Variants in HERC1 observed in about 807,000 individuals in gnomAD.
HERC1 encodes the protein HECT and RLD domain containing E3 ubiquitin protein ligase family member 1.
Under a neutral mutation model 554.3 loss-of-function variants are expected in HERC1, and 160 were observed. The ratio of observed to expected loss-of-function variants is 0.29; its 90% CI spans 0.25 to 0.33. The LOEUF is 0.33. Ranked by LOEUF, HERC1 falls within the 10% of genes least tolerant of loss-of-function variation. HERC1 has a pLI of 1.00. For missense variants in HERC1, 4,919 were observed against 5,918.5 expected, an observed-to-expected ratio of 0.83 and a Z score of 5.54; for synonymous variants, 2,175 against 2,131.7, an observed-to-expected ratio of 1.02 and a Z score of -0.56.
At chr15:63,738,428 AATTT>A (rs1383327906) in intron 12 of HERC1, among the ~76,000 whole-genome samples, 2 of 152,206 alleles carry the variant, frequency 1.3e-5, no homozygotes, top group African/African-American at 4.8e-5. Flanking sequence ...AACCAATACT[AATTT>A]ATTTGTTTTG....
At position 63,640,289 on chromosome 15, in the gene HERC1, T is replaced by A; in HGVS notation, c.11764A>T (p.Asn3922Tyr). ...AAACATTCTAACCAGGCCCATTCAT[T>A]TGGATTCCAGGATGCAGGGTCAGGG... ...CLPDPASWNP[N>Y]EWAWLECFST... The change falls in exon 61 of 78, where the codon AAT (asparagine) becomes TAT (tyrosine). Residue 3922 changes from asparagine to tyrosine, a missense_variant. By Grantham distance (143) the Asn-to-Tyr change is moderately radical (BLOSUM62 -2). Coordinates refer to ENST00000443617, the MANE Select transcript of HERC1 (RefSeq NM_003922.4). 1 of 1,613,914 alleles carries A rather than the reference T, an allele frequency of 6.2e-7. No individual in the cohort carries two copies. Among genetic ancestry groups the A allele is most frequent in the Non-Finnish European group, 8.5e-7 (1 of 1,179,840 alleles).
At chr15:63,706,163 A>C (rs1002176196) in intron 25 of HERC1, among the ~76,000 whole-genome samples, 11 of 152,120 alleles carry the variant, frequency 7.2e-5, no homozygotes, top group African/African-American at 1.9e-4. Context: ...CACAACCATG[A>C]GTTAACTATA....
At chr15:63,741,750 A>G (rs1377980533) in intron 12 of HERC1, among the ~76,000 whole-genome samples, 1 of 152,244 alleles carries the variant, frequency 6.6e-6, no homozygotes, top group African/African-American at 2.4e-5. Context: ...CTATTCTCTC[A>G]TGAAATAGTT....
intron 34 of HERC1, among the ~76,000 whole-genome samples, chr15:63,683,225 T>A (rs2071573812): frequency 6.6e-6 from 1 of 151,634 alleles, no homozygotes; most frequent in South Asian, 2.1e-4. Context: ...TTCATCCTGA[T>A]CAGGGAAAGC....
chr15:63,649,844 G>A lies in HERC1; in HGVS notation c.10628C>T (p.Ser3543Leu). ...WPEEGPATAW[S>L]GESPELLLVG... Reference sequence around the variant, plus strand: ...CAACAACAATTCTGGAGACTCTCCTGACCAGGCTGTAGCCGGACCCTCTTC... The same window carrying A: ...CAACAACAATTCTGGAGACTCTCCTAACCAGGCTGTAGCCGGACCCTCTTC... The change falls in exon 54 of 78, where the codon TCA (serine) becomes TTA (leucine). Residue 3543 changes from serine (S) to leucine (L), a missense_variant. This residue lies in a region of HERC1 where 1,963 missense variants were observed against 2,228.6 expected (regional missense o/e 0.88). Transcript: ENST00000443617. 1 of 1,613,232 alleles carries A rather than the reference G, an allele frequency of 6.2e-7. No individual in the cohort carries two copies. Among genetic ancestry groups the A allele is most frequent in the Non-Finnish European group, 8.5e-7 (1 of 1,179,592 alleles).
rs750583465 is a variant in HERC1, at chr15:63,723,238, G to C, written c.3686C>G (p.Ser1229Cys). 1 of 1,598,986 alleles carries C rather than the reference G, an allele frequency of 6.3e-7. No homozygotes were observed. The change falls in exon 19 of 78, where the codon TCT becomes TGT. Residue 1229 changes from serine to cysteine, a missense_variant. This residue lies in a region of HERC1 where 1,121 missense variants were observed against 1,244.0 expected (regional missense o/e 0.90). Transcript: ENST00000443617. Reference sequence around the variant, plus strand: ...CCAAAGGCTTCGGGCAGGCTCTTTAGAACAACCCAATGCCAAGTCTACATA... The same window carrying C: ...CCAAAGGCTTCGGGCAGGCTCTTTACAACAACCCAATGCCAAGTCTACATA... ...AVYVDLALGC[S>C]KEPARSLWIS...
At chr15:63,755,901 C>T (rs1253367496) in intron 5 of HERC1, among the ~76,000 whole-genome samples, 2 of 152,146 alleles carry the variant, frequency 1.3e-5, no homozygotes, top group African/African-American at 4.8e-5. Flanking sequence ...TACTTAGGTA[C>T]TCTAAATGCC....
At chr15:63,621,042 T>C (rs1384294337) in intron 74 of HERC1, among the ~76,000 whole-genome samples, 7 of 152,258 alleles carry the variant, frequency 4.6e-5, no homozygotes, top group Admixed American at 1.3e-4. Flanking sequence ...CATTATGATA[T>C]TAGCTGGTTA....
At chr15:63,618,360 A>G (rs1171010352) in intron 74 of HERC1, among the ~76,000 whole-genome samples, 7 of 152,148 alleles carry the variant, frequency 4.6e-5, no homozygotes, top group South Asian at 4.2e-4. Context: ...CCATTGGTCT[A>G]TATCTCTGTT....
chr15:63,711,391 CAG>C (rs1348026357), intron 24 of HERC1, among the ~76,000 whole-genome samples: 1 of 151,958 alleles, frequency 6.6e-6, no homozygotes, highest in Non-Finnish European at 1.5e-5. Context: ...AATTAACTGA[CAG>C]AGAAATAAAT....
chr15:63,832,960 A>C (rs1407894205), intron 1 of HERC1, among the ~76,000 whole-genome samples: 1 of 152,200 alleles, frequency 6.6e-6, no homozygotes, highest in Non-Finnish European at 1.5e-5. Flanking sequence ...CTATATTCTA[A>C]GTATTATAGA....
At chr15:63,728,019 A>G (rs1018941469) in intron 16 of HERC1, among the ~76,000 whole-genome samples, 181 bp from the exon 17 acceptor site, 1 of 152,240 alleles carries the variant, frequency 6.6e-6, no homozygotes, top group Non-Finnish European at 1.5e-5. Flanking sequence ...AGTACCACCA[A>G]CAAACACTTT....
At chr15:63,616,048 C>T (rs1046961484) in intron 75 of HERC1, 128 bp from the exon 76 acceptor site, 37 of 761,024 alleles carry the variant, frequency 4.9e-5, no homozygotes, top group Non-Finnish European at 6.7e-5. Flanking sequence ...GAACACAAAA[C>T]AGGTAGGACT....
intron 1 of HERC1, among the ~76,000 whole-genome samples, chr15:63,787,823 G>C (rs2076505354): frequency 1.3e-5 from 2 of 151,750 alleles, no homozygotes; most frequent in Admixed American, 1.3e-4. Context: ...AAATTAACCG[G>C]GCGTGGTGGT....
intron 27 of HERC1, among the ~76,000 whole-genome samples, chr15:63,695,383 C>CATTTTT (rs1567023180): frequency 1.9e-5 from 2 of 103,306 alleles, no homozygotes; most frequent in Non-Finnish European, 4.0e-5. Flanking sequence ...TCTGTATAAT[C>CATTTTT]TTTTTTTTTT....
intron 50 of HERC1, 104 bp from the exon 51 acceptor site, chr15:63,654,428 C>G (rs990460260): frequency 1.2e-5 from 10 of 831,776 alleles, no homozygotes; most frequent in Admixed American, 2.5e-5. Context: ...TGGTGGTGAA[C>G]AAGCAAATGG....
At chr15:63,766,599 A>G (rs1299517750) in intron 2 of HERC1, among the ~76,000 whole-genome samples, 1 of 152,262 alleles carries the variant, frequency 6.6e-6, no homozygotes, top group East Asian at 1.9e-4. Flanking sequence ...ACAGCACATT[A>G]ATAAAGCTTA....
chr15:63,712,448 T>C (rs1438234127), intron 24 of HERC1, among the ~76,000 whole-genome samples: 1 of 152,122 alleles, frequency 6.6e-6, no homozygotes, highest in Non-Finnish European at 1.5e-5. Flanking sequence ...CCTACTAAAA[T>C]AGGGAATAAA....
chr15:63,638,276 T>C (rs1044427073), intron 63 of HERC1, 135 bp downstream of exon 63: 4 of 911,996 alleles, frequency 4.4e-6, no homozygotes, highest in East Asian at 2.5e-5. Flanking sequence ...TTGAAAGCTA[T>C]ATATCATGAC....
Sources: allele counts gnomAD v4.1 joint callset (sites outside exome capture counted in the v4.1 genomes callset), GRCh38; gene constraint gnomAD v4.1.1; regional missense constraint gnomAD v4.1.1; transcripts MANE v1.5; gene names NCBI Gene and HGNC (gene_info 2026-07-23, HGNC 2026-07-21).